ADGRB3: variants seen among roughly 807,000 people sequenced by gnomAD.
ADGRB3 encodes brain-specific angiogenesis inhibitor 3.
A neutral mutation model predicts 193.4 loss-of-function variants in ADGRB3; 37 were observed. The observed-to-expected ratio is 0.19, with a 90% CI of 0.15 to 0.25. ADGRB3 has a LOEUF of 0.25. Among genes scored for constraint, ADGRB3 ranks in the 10% least tolerant of loss-of-function variants. The probability of loss-of-function intolerance (pLI) is 1.00; values close to 1 mark genes in which losing one functional copy is unlikely to be tolerated. For synonymous variants in ADGRB3, 690 were observed against 644.2 expected (o/e 1.07, Z -1.08); for missense variants, 1,637 against 1,852.9 (o/e 0.88, Z 2.14).
At chr6:69,191,331 A>C (rs1054692988) in intron 17 of ADGRB3, among the ~76,000 whole-genome samples, 1 of 152,156 alleles carries the variant, frequency 6.6e-6, no homozygotes, top group African/African-American at 2.4e-5. Flanking sequence ...ATTTATTTCT[A>C]GTTGAAATTA....
intron 17 of ADGRB3, among the ~76,000 whole-genome samples, chr6:69,083,542 A>G (rs550907364): frequency 1.3e-5 from 2 of 152,246 alleles, no homozygotes; most frequent in African/African-American, 4.8e-5. Context: ...CATGATAGAT[A>G]TACAAATTAT....
chr6:69,284,918 T>G (rs1056290075), intron 20 of ADGRB3, among the ~76,000 whole-genome samples: 5 of 151,954 alleles, frequency 3.3e-5, no homozygotes. Context: ...TAAAATAAAG[T>G]TTGGATTTAA....
At chr6:69,273,830 C>G (rs1767232926) in intron 20 of ADGRB3, among the ~76,000 whole-genome samples, 1 of 152,150 alleles carries the variant, frequency 6.6e-6, no homozygotes, top group South Asian at 2.1e-4. Context: ...CTCTATGTTT[C>G]CGCCATATGG....
intron 17 of ADGRB3, among the ~76,000 whole-genome samples, chr6:69,170,196 T>C (rs1439841415): frequency 6.6e-6 from 1 of 152,182 alleles, no homozygotes; most frequent in Non-Finnish European, 1.5e-5. Context: ...TCCAAATTTT[T>C]ATAATAAGGC....
At chr6:69,349,839 T>C (rs1275534281) in intron 26 of ADGRB3, among the ~76,000 whole-genome samples, 1 of 152,180 alleles carries the variant, frequency 6.6e-6, no homozygotes, top group African/African-American at 2.4e-5. Flanking sequence ...AAGTGAAGAT[T>C]CAGGGTCTGA....
At chr6:69,107,081 C>T (rs1377250863) in intron 17 of ADGRB3, among the ~76,000 whole-genome samples, 2 of 151,440 alleles carry the variant, frequency 1.3e-5, no homozygotes, top group Admixed American at 6.6e-5. Flanking sequence ...AACTATCTTC[C>T]AAAAAAAAGT....
intron 3 of ADGRB3, among the ~76,000 whole-genome samples, chr6:68,793,122 A>C (rs767917462): frequency 6.6e-6 from 1 of 152,122 alleles, no homozygotes; most frequent in Non-Finnish European, 1.5e-5. Flanking sequence ...CTAGGGCAAG[A>C]CATTGCAGGC....
chr6:68,751,265 T>G (rs2127347156), intron 3 of ADGRB3, among the ~76,000 whole-genome samples: 1 of 152,324 alleles, frequency 6.6e-6, no homozygotes, highest in Non-Finnish European at 1.5e-5. Flanking sequence ...TTTAGACTTC[T>G]ACCGTGTTTC....
intron 31 of ADGRB3, 60 bp downstream of exon 31, chr6:69,382,995 G>T: frequency 8.4e-7 from 1 of 1,186,852 alleles, no homozygotes; most frequent in Non-Finnish European, 1.2e-6. Flanking sequence ...TATTATTCCT[G>T]CCTTCCAGGA....
chr6:68,803,536 A>G (rs1219974454), intron 3 of ADGRB3, among the ~76,000 whole-genome samples: 10 of 152,034 alleles, frequency 6.6e-5, no homozygotes, highest in Admixed American at 6.6e-4. Flanking sequence ...TCTTCTACCC[A>G]TGTTCTTTTC....
intron 11 of ADGRB3, 68 bp downstream of exon 11, chr6:68,994,030 C>A: frequency 6.6e-7 from 1 of 1,505,092 alleles, no homozygotes; most frequent in Non-Finnish European, 9.1e-7. Flanking sequence ...CCCACGAAGC[C>A]AGTGCAGCCG....
At chr6:68,891,550 CAACTT>C (rs772229364) in intron 3 of ADGRB3, among the ~76,000 whole-genome samples, 70 of 152,162 alleles carry the variant, frequency 4.6e-4, no homozygotes, top group Non-Finnish European at 7.6e-4. Context: ...TATGATCAAA[CAACTT>C]AATGAATGTC....
chr6:69,345,867 G>T (rs1248892671), intron 26 of ADGRB3, among the ~76,000 whole-genome samples: 1 of 152,186 alleles, frequency 6.6e-6, no homozygotes, highest in Non-Finnish European at 1.5e-5. Flanking sequence ...TGCAGTCTCA[G>T]CCCCAAACCT....
At chr6:69,340,975 A>G (rs1582643240) in intron 26 of ADGRB3, among the ~76,000 whole-genome samples, 1 of 152,162 alleles carries the variant, frequency 6.6e-6, no homozygotes, top group South Asian at 2.1e-4. Flanking sequence ...AGAGCATTCC[A>G]TGGTGTATAT....
rs911167023 is a variant in ADGRB3 at position 68,766,718 on chromosome 6, C to T, written c.757+127286C>T. Among the ~76,000 whole-genome samples the T allele has an allele frequency of 2.6e-5, 4 of 151,772 alleles. No homozygotes were observed. In the East Asian group the frequency reaches 7.7e-4, roughly 29 times the overall value. On this transcript the variant is annotated intron_variant, in intron 3 of 31. Transcript: ENST00000370598. ...CTTACAACTTTTTTACTTCTTGTCCCACTCTTCATGAGAATTTACTAGTCA... is the reference window on the plus strand; with the variant it reads ...CTTACAACTTTTTTACTTCTTGTCCTACTCTTCATGAGAATTTACTAGTCA...
chr6:69,157,180 A>G (rs922818625), intron 17 of ADGRB3, among the ~76,000 whole-genome samples: 1 of 152,212 alleles, frequency 6.6e-6, no homozygotes, highest in African/African-American at 2.4e-5. Context: ...TATAGGATCA[A>G]TGTGAGAATT....
At chr6:68,884,474 A>G (rs1251876932) in intron 3 of ADGRB3, among the ~76,000 whole-genome samples, 1 of 152,204 alleles carries the variant, frequency 6.6e-6, no homozygotes, top group African/African-American at 2.4e-5. Flanking sequence ...CCGGGGAGTG[A>G]GAAAAAATTA....
chr6:68,876,188 C>T (rs1347704732), intron 3 of ADGRB3, among the ~76,000 whole-genome samples: 1 of 152,064 alleles, frequency 6.6e-6, no homozygotes, highest in Non-Finnish European at 1.5e-5. Context: ...TTACTATACA[C>T]ATATACAAGA....
intron 17 of ADGRB3, among the ~76,000 whole-genome samples, chr6:69,122,468 GA>G (rs1181331415): frequency 2.1e-5 from 1 of 47,778 alleles, no homozygotes; most frequent in Non-Finnish European, 4.3e-5. Context: ...GGGAGAGGGA[GA>G]GGGGGAGGGG....
Sources: allele counts gnomAD v4.1 joint callset (sites outside exome capture counted in the v4.1 genomes callset), GRCh38; gene constraint gnomAD v4.1.1; transcripts MANE v1.5; gene names NCBI Gene and HGNC (gene_info 2026-07-23, HGNC 2026-07-21).